RBBP8NL: variants seen among roughly 807,000 people sequenced by gnomAD.
RBBP8NL encodes RBBP8 N-terminal like, also known as RBBP8 N-terminal-like protein.
In RBBP8NL, 59 loss-of-function variants were observed where a neutral mutation model predicts 62.2. The ratio of observed to expected loss-of-function variants is 0.95; its 90% CI spans 0.77 to 1.18. The LOEUF is 1.18. Ranked by LOEUF, RBBP8NL falls within the 50% of genes most tolerant of loss-of-function variation. RBBP8NL has a pLI of 0.00. For missense variants in RBBP8NL, 896 were observed against 899.5 expected, an observed-to-expected ratio of 1.00 and a Z score of 0.05; for synonymous variants, 412 against 394.1, an observed-to-expected ratio of 1.05 and a Z score of -0.54.
intron 1 of RBBP8NL, among the ~76,000 whole-genome samples, chr20:62,423,307 C>T (rs1988745278): frequency 6.6e-6 from 1 of 152,214 alleles, no homozygotes; most frequent in African/African-American, 2.4e-5. Context: ...TGGGTTGTGC[C>T]CAGCTCCTGG....
chr20:62,414,126 C>T lies in RBBP8NL; in HGVS notation c.1225G>A (p.Ala409Thr). Reference protein sequence around the residue: ...NEGTRAALAAAGLSGGRHTQP... With the variant: ...NEGTRAALAATGLSGGRHTQP... ...GTGTGCCGCCCTCCAGACAGGCCTG[C>T]TGCGGCCAGAGCTGCCCTGGTCCCC... The change falls in exon 10 of 14, where the codon GCA becomes ACA. Residue 409 changes from alanine to threonine, a missense_variant. Physicochemically the swap from Ala to Thr is moderately conservative, Grantham distance 58. Transcript: ENST00000252998. 6.3e-7 allele frequency: 1 copy of T among 1,598,004 alleles called. No homozygotes were observed.
In RBBP8NL at chr20:62,415,173, C is replaced by G. The variant is rs35934795; in HGVS notation, c.742G>C (p.Ala248Pro). ...PANGTPPPLP[A>P]RSSPPSPAYE... ...GCTGGGCTGGGTGGGCTGCTCCTGG[C>G]GGGCAGTGGTGGGGGCGTCCCATTG... is the stretch of plus-strand genomic sequence containing the variant. Residue 248 changes from alanine to proline, a missense_variant, in exon 9 of 14, where the codon GCC becomes CCC. Transcript: ENST00000252998. 5 of 1,520,790 alleles carry G rather than the reference C, an allele frequency of 3.3e-6. No homozygotes were observed. The highest frequency in any genetic ancestry group is 4.4e-6 in the Non-Finnish European group (5 of 1,132,914). The allele number at this position is 1,520,790 out of a possible 1,614,324, so 94.2% of individuals were successfully genotyped here.
In RBBP8NL at chr20:62,410,664, G is replaced by T. The variant is rs1350437229; in HGVS notation, c.*214C>A. The T allele has an allele frequency of 5.2e-6, 3 of 575,730 alleles. No individual in the cohort carries two copies. In the East Asian group the frequency reaches 8.8e-5, roughly 17 times the overall value. The allele number at this position is 575,730 out of a possible 1,614,324, so 35.7% of individuals were successfully genotyped here. A position where few individuals can be genotyped will look rare whatever the true frequency, so the allele number is the denominator to read the frequency against. ...ATGTGCCCGTCACCGGCTCTTCGGG[G>T]TTGCCTGCTGGTTGGGTGGTGTGCC... On this transcript the variant is annotated 3_prime_UTR_variant, in exon 14 of 14. Coordinates refer to ENST00000252998, the MANE Select transcript of RBBP8NL (RefSeq NM_080833.3).
At chr20:62,411,792 T>C (rs547470031) in intron 13 of RBBP8NL, among the ~76,000 whole-genome samples, 1 of 152,362 alleles carries the variant, frequency 6.6e-6, no homozygotes, top group African/African-American at 2.4e-5. Context: ...CGGGGCCATT[T>C]CCACCCACTC....
intron 5 of RBBP8NL, 58 bp from the exon 6 acceptor site, chr20:62,416,294 T>TGGGGTGGGGGGGG: frequency 1.9e-6 from 1 of 515,308 alleles, no homozygotes. Flanking sequence ...GGGGCAGGGG[T>TGGGGTGGGGGGGG]GGGGTCGTCA....
In RBBP8NL at chr20:62,419,624, C is replaced by T; in HGVS notation, c.24G>A (p.Leu8=). 1.9e-6 allele frequency: 3 copies of T among 1,613,474 alleles called. No homozygotes were observed. Among genetic ancestry groups the T allele is most frequent in the Non-Finnish European group, 2.5e-6 (3 of 1,179,922 alleles). The change falls in exon 2 of 14, where the codon CTG becomes CTA. Residue 8 remains leucine (L), a synonymous_variant. Coordinates refer to ENST00000252998, the MANE Select transcript of RBBP8NL (RefSeq NM_080833.3). MESFMES[L]NRLKEIHEKE... Reference sequence around the variant, plus strand: ...TCTCGTGGATCTCCTTCAGCCTGTTCAGCGACTCCATGAAGCTCTCCATGG... The same window carrying T: ...TCTCGTGGATCTCCTTCAGCCTGTTTAGCGACTCCATGAAGCTCTCCATGG...
chr20:62,414,700 C>T (rs1287496005), intron 9 of RBBP8NL, 144 bp from the exon 10 acceptor site: 2 of 969,770 alleles, frequency 2.1e-6, no homozygotes, highest in Non-Finnish European at 2.8e-6. Flanking sequence ...GCATGGGTCC[C>T]ATGGCAGGTA....
intron 2 of RBBP8NL, 66 bp from the exon 3 acceptor site, chr20:62,418,531 CACGGGG>C (rs1447439638): frequency 1.0e-5 from 15 of 1,451,000 alleles, no homozygotes; most frequent in Admixed American, 2.0e-5. Context: ...GTGTCCCCAC[CACGGGG>C]TCTGGGCAGA....
intron 8 of RBBP8NL, 104 bp downstream of exon 8, chr20:62,415,474 G>T: frequency 7.0e-7 from 1 of 1,423,468 alleles, no homozygotes; most frequent in Non-Finnish European, 9.8e-7. Flanking sequence ...GCACATTCAG[G>T]GTTAGGCGCA....
intron 1 of RBBP8NL, among the ~76,000 whole-genome samples, chr20:62,427,064 C>T (rs1245862796): frequency 6.6e-6 from 1 of 152,238 alleles, no homozygotes; most frequent in African/African-American, 2.4e-5. Flanking sequence ...GCACCACCCT[C>T]ACCCCTGTGG....
At chr20:62,425,830 G>A (rs777268364) in intron 1 of RBBP8NL, among the ~76,000 whole-genome samples, 2 of 152,270 alleles carry the variant, frequency 1.3e-5, no homozygotes, top group Non-Finnish European at 2.9e-5. Flanking sequence ...ATGTCCATCT[G>A]ACTGACTGCC....
intron 1 of RBBP8NL, among the ~76,000 whole-genome samples, chr20:62,421,227 G>A (rs1988690095): frequency 6.6e-6 from 1 of 151,924 alleles, no homozygotes; most frequent in Admixed American, 6.5e-5. Flanking sequence ...TTTGCCGTGT[G>A]TGTGCACGCC....
At chr20:62,420,926 C>T (rs1415226005) in intron 1 of RBBP8NL, among the ~76,000 whole-genome samples, 4 of 152,244 alleles carry the variant, frequency 2.6e-5, no homozygotes, top group South Asian at 2.1e-4. Flanking sequence ...GGGACCTGGG[C>T]TGGAGCACTC....
chr20:62,410,545 G>A lies in RBBP8NL; in HGVS notation c.*333C>T, dbSNP rs1025676087. On this transcript the variant is annotated 3_prime_UTR_variant, in exon 14 of 14. Coordinates refer to ENST00000252998, the MANE Select transcript of RBBP8NL (RefSeq NM_080833.3). ...GGGAGCAGGTGCTGGGCTGTGGGAG[G>A]GGCCGCAGAGCATTTCCCAGGTGGG... 1.5e-5 allele frequency: 5 copies of A among 340,534 alleles called. No individual in the cohort carries two copies. Among genetic ancestry groups the A allele is most frequent in the Admixed American group, 4.6e-5 (1 of 21,742 alleles). The allele number at this position is 340,534 out of a possible 1,614,324, so 21.1% of individuals were successfully genotyped here.
At chr20:62,414,971 G>A (rs1988528233) in intron 9 of RBBP8NL, 150 bp downstream of exon 9, 4 of 807,232 alleles carry the variant, frequency 5.0e-6, no homozygotes, top group Non-Finnish European at 7.4e-6. Flanking sequence ...TGTCCACGTG[G>A]GAACTTTGCT....
At chr20:62,412,778 G>A (rs752983187) in intron 12 of RBBP8NL, 25 bp from the exon 13 acceptor site, 28 of 1,612,834 alleles carry the variant, frequency 1.7e-5, no homozygotes, top group Non-Finnish European at 2.2e-5. Flanking sequence ...GTGTGGTCAC[G>A]AGGAGGACTG....
chr20:62,417,500 CACGCAG>C lies in RBBP8NL; in HGVS notation c.105-187_105-182del, dbSNP rs1487260754. ...GCTCCTCTGTGACGTCTGTCCCGTCCACGCAGCCCCCCCAGTCATCTGCACGCTCCT... is the reference window on the plus strand; with the variant it reads ...GCTCCTCTGTGACGTCTGTCCCGTCCCCCCCCCAGTCATCTGCACGCTCCT... On this transcript the variant is annotated intron_variant, in intron 3 of 13. Transcript: ENST00000252998. Among the ~76,000 whole-genome samples the C allele has an allele frequency of 2.3e-3, 309 of 134,396 alleles. 3 individuals are homozygous for C. Among genetic ancestry groups the C allele is most frequent in the African/African-American group, 0.01 (286 of 27,558 alleles). The allele number at this position is 134,396 out of a possible 152,430, so 88.2% of individuals were successfully genotyped here. A position where few individuals can be genotyped will look rare whatever the true frequency, so the allele number is the denominator to read the frequency against.
At chr20:62,417,811 T>C (rs1399595314) in intron 3 of RBBP8NL, among the ~76,000 whole-genome samples, 1 of 84,590 alleles carries the variant, frequency 1.2e-5, no homozygotes, top group Admixed American at 1.2e-4. Context: ...ACGTCTGTCC[T>C]GTCCACGCAA....
At position 62,416,195 on chromosome 20, in the gene RBBP8NL, T is replaced by A; in HGVS notation, c.355A>T (p.Lys119Ter). Residue 119 changes from lysine to a stop codon, truncating the protein, a stop_gained, in exon 6 of 14, where the codon AAG becomes TAG. Transcript: ENST00000252998. LOFTEE classifies it high-confidence loss of function. ...NGLKEENETL[K>*]EEVKRLRGLG... The stretch of plus-strand genomic sequence containing the variant: ...CCCCGAAGCCGCTTCACCTCCTCCT[T>A]CAAGGTCTCGTTCTCTTCCTTCAGC... The A allele has an allele frequency of 6.2e-7, 1 of 1,610,808 alleles. No individual in the cohort carries two copies. Among genetic ancestry groups the A allele is most frequent in the Non-Finnish European group, 8.5e-7 (1 of 1,179,082 alleles).
Sources: allele counts gnomAD v4.1 joint callset (sites outside exome capture counted in the v4.1 genomes callset), GRCh38; gene constraint gnomAD v4.1.1; transcripts MANE v1.5; gene names NCBI Gene and HGNC (gene_info 2026-07-23, HGNC 2026-07-21).